Variants in PLCE1 observed in about 807,000 individuals in gnomAD.
PLCE1 encodes the protein phospholipase C epsilon 1.
PLCE1 carries 119 observed loss-of-function variants against 242.8 expected under a neutral mutation model. The observed-to-expected ratio is 0.49, with a 90% CI of 0.42 to 0.57. PLCE1 has a LOEUF of 0.57. Ranked by LOEUF, PLCE1 falls within the 20% of genes least tolerant of loss-of-function variation. PLCE1 has a pLI of 0.00. For synonymous variants in PLCE1, 945 were observed against 1,017.4 expected, an observed-to-expected ratio of 0.93 and a Z score of 1.35; for missense variants, 2,441 against 2,788.8, an observed-to-expected ratio of 0.88 and a Z score of 2.81.
intron 2 of PLCE1, among the ~76,000 whole-genome samples, chr10:94,113,913 A>T (rs762161259): frequency 1.3e-5 from 2 of 152,214 alleles, no homozygotes; most frequent in East Asian, 3.9e-4. Context: ...GCAGATGGGC[A>T]TCGTTGAAGA....
intron 2 of PLCE1, among the ~76,000 whole-genome samples, chr10:94,038,959 A>G (rs2134604013): frequency 6.6e-6 from 1 of 152,280 alleles, no homozygotes; most frequent in African/African-American, 2.4e-5. Flanking sequence ...CCTATTCTGG[A>G]CTTTCATATG....
intron 3 of PLCE1, among the ~76,000 whole-genome samples, chr10:94,165,859 C>G (rs1213070445): frequency 2.0e-5 from 3 of 152,074 alleles, no homozygotes; most frequent in African/African-American, 4.8e-5. Flanking sequence ...AGGTGCCCAC[C>G]ACCCACCTGG....
At chr10:94,092,112 A>G (rs1157183821) in intron 2 of PLCE1, among the ~76,000 whole-genome samples, 2 of 152,252 alleles carry the variant, frequency 1.3e-5, no homozygotes, top group Non-Finnish European at 2.9e-5. Flanking sequence ...ATACCTGACG[A>G]GAATTTTAAA....
intron 6 of PLCE1, among the ~76,000 whole-genome samples, chr10:94,234,541 A>G (rs2050253288): frequency 1.3e-5 from 2 of 152,208 alleles, no homozygotes; most frequent in African/African-American, 4.8e-5. Flanking sequence ...ATTAGGTTTA[A>G]TATGTAAGTA....
At chr10:94,090,278 A>G (rs932826755) in intron 2 of PLCE1, among the ~76,000 whole-genome samples, 31 of 152,214 alleles carry the variant, frequency 2.0e-4, no homozygotes, top group African/African-American at 7.5e-4. Flanking sequence ...AAGGAATTCA[A>G]GCTATGAAGA....
rs1415638810 is a variant in PLCE1 at position 94,306,369 on chromosome 10, G to T, written c.5623-58G>T. 1 of 1,613,896 alleles carries T rather than the reference G, an allele frequency of 6.2e-7. No individual in the cohort carries two copies. Among genetic ancestry groups the T allele is most frequent in the Non-Finnish European group, 8.5e-7 (1 of 1,179,860 alleles). ...GCAGAGGGAAGCAGTGAGGTGCAGAGGTTGTCTTTCTTTTTTATCCTCGGT... is the reference window on the plus strand; with the variant it reads ...GCAGAGGGAAGCAGTGAGGTGCAGATGTTGTCTTTCTTTTTTATCCTCGGT... On this transcript the variant is annotated intron_variant, in intron 25 of 32. Transcript: ENST00000371380. The surrounding 1 kb of genome is among the most constrained non-coding windows in gnomAD (Gnocchi z 5.7).
chr10:94,325,251 A>T, intron 32 of PLCE1, 147 bp downstream of exon 32: 1 of 647,562 alleles, frequency 1.5e-6, no homozygotes, highest in Non-Finnish European at 2.8e-6. Flanking sequence ...AAACAGGAAA[A>T]GGGCTCTGAA....
Position 94,316,528 on chromosome 10 carries a change from GC to G in PLCE1, c.6133-17del, listed in dbSNP as rs1482777291. The G allele has an allele frequency of 6.4e-7, 1 of 1,552,482 alleles. No homozygotes were observed. The highest frequency in any genetic ancestry group is 8.9e-7 in the Non-Finnish European group (1 of 1,126,724). On this transcript the variant is annotated intron_variant, in intron 28 of 32. Transcript: ENST00000371380. ...AAGTTTTTGCCTCACTCCTCAGTTT[GC>G]CTTCACTTTTTCTTTAGATTCTGAC...
chr10:94,150,787 C>A (rs1004732731), intron 3 of PLCE1, among the ~76,000 whole-genome samples: 1 of 152,144 alleles, frequency 6.6e-6, no homozygotes, highest in South Asian at 2.1e-4. Context: ...TGCCTCTGAG[C>A]ACTCTCCTTT....
At chr10:94,053,741 G>C (rs942116349) in intron 2 of PLCE1, among the ~76,000 whole-genome samples, 1 of 152,178 alleles carries the variant, frequency 6.6e-6, no homozygotes, top group Admixed American at 6.5e-5. Context: ...TTGGGATTTC[G>C]CATTTCAACC....
chr10:94,186,157 C>T (rs1327280011), intron 4 of PLCE1, among the ~76,000 whole-genome samples: 1 of 152,214 alleles, frequency 6.6e-6, no homozygotes, highest in African/African-American at 2.4e-5. Context: ...ATCTTCAGAA[C>T]TTACGTCATC....
rs1289857310 is a variant in PLCE1 at position 94,316,762 on chromosome 10, T to C, written c.6342+6T>C. The stretch of plus-strand genomic sequence containing the variant: ...TCTTAAAAACCCAGCAGGAAGTAAG[T>C]GTGTCTGGGTGCAGCCTACACAGTA... On this transcript the variant is annotated splice_donor_region_variant and intron_variant, in intron 29 of 32. Transcript: ENST00000371380. 1 of 1,596,302 alleles carries C rather than the reference T, an allele frequency of 6.3e-7. No homozygotes were observed. Among genetic ancestry groups the C allele is most frequent in the Non-Finnish European group, 8.6e-7 (1 of 1,163,832 alleles).
intron 2 of PLCE1, among the ~76,000 whole-genome samples, chr10:94,116,705 A>T (rs189919057): frequency 0.012 from 1,821 of 152,070 alleles, 32 homozygotes; most frequent in African/African-American, 0.038. Flanking sequence ...AAAAAAAAAA[A>T]TTTTTTTTAA....
At chr10:94,043,091 G>A (rs150176714) in intron 2 of PLCE1, among the ~76,000 whole-genome samples, 7 of 152,238 alleles carry the variant, frequency 4.6e-5, no homozygotes, top group East Asian at 1.9e-4. Flanking sequence ...AGATCTAAGC[G>A]TGTTGTATAT....
chr10:94,293,663 C>A (rs1307112386), intron 23 of PLCE1, 24 bp downstream of exon 23: 3 of 1,611,566 alleles, frequency 1.9e-6, no homozygotes, highest in Middle Eastern at 3.3e-4. Flanking sequence ...CTTACAATAT[C>A]TTTGCTTGAT....
chr10:94,316,782 A>G, intron 29 of PLCE1, 26 bp downstream of exon 29: 1 of 1,515,468 alleles, frequency 6.6e-7, no homozygotes, highest in Non-Finnish European at 9.2e-7. Flanking sequence ...TGCAGCCTAC[A>G]CAGTAACGAC....
rs747535637 is a variant in PLCE1, at chr10:94,298,519, C to T, written c.5308C>T (p.Arg1770Cys). 13 of 1,614,060 alleles carry T rather than the reference C, an allele frequency of 8.1e-6. No homozygotes were observed. Among genetic ancestry groups the T allele is most frequent in the Admixed American group, 1.7e-5 (1 of 60,010 alleles). The change falls in exon 24 of 33, where the codon CGC becomes TGC. Residue 1770 changes from arginine (R) to cysteine (C), a missense_variant. Arg to Cys is a radical substitution (Grantham distance 180). Transcript: ENST00000371380. This position sits in a 1 kb window ranked among gnomAD's most constrained non-coding sequence, Gnocchi z 5.2. ...LNENAAKRLC[R>C]RYSQKLTQHT... ...TGAAAATGCCGCCAAACGTCTGTGT[C>T]GCAGGTATTCTCAGAAACTGACCCA...
intron 5 of PLCE1, among the ~76,000 whole-genome samples, 181 bp from the exon 6 acceptor site, chr10:94,233,873 A>C (rs1374634989): frequency 6.6e-6 from 1 of 151,946 alleles, no homozygotes; most frequent in Non-Finnish European, 1.5e-5. Context: ...GCTTGAACCC[A>C]GGAGGCAGAG....
rs541389063 is a variant in PLCE1, at chr10:94,206,293, A to G, written c.1810-21013A>G. On this transcript the variant is annotated intron_variant, in intron 4 of 32. Coordinates refer to ENST00000371380, the MANE Select transcript of PLCE1 (RefSeq NM_016341.4). ...AAAGCGTGCCTGGCATATTCAAGCA[A>G]CAGGAAGAGGGTCAGTGTGGCTGAG... 2.6e-5 allele frequency among the ~76,000 whole-genome samples: 4 copies of G among 152,304 alleles called. No homozygotes were observed. In the South Asian group the frequency reaches 6.2e-4, roughly 24 times the overall value.
Sources: gnomAD v4.1 joint callset for allele counts (sites outside exome capture counted in the v4.1 genomes callset) on GRCh38, gnomAD v4.1.1 for gene constraint, Gnocchi (gnomAD v3.1) non-coding constraint, MANE v1.5 for transcripts, NCBI Gene and HGNC (gene_info 2026-07-23, HGNC 2026-07-21) for gene names.